KCNIP4: variants seen among roughly 807,000 people sequenced by gnomAD.
KCNIP4 encodes the protein Kv channel-interacting protein 4.
Under a neutral mutation model 34.0 loss-of-function variants are expected in KCNIP4, and 12 were observed. That is an observed-to-expected ratio of 0.35 (90% CI 0.23 to 0.57). The LOEUF is 0.57. KCNIP4 is among the 20% of genes least tolerant of loss of function. The pLI is 0.83. For synonymous variants in KCNIP4, 124 were observed against 102.2 expected (o/e 1.21, Z -1.29); for missense variants, 238 against 311.7 (o/e 0.76, Z 1.78).
At chr4:21,574,061 A>C (rs1350512588) in intron 1 of KCNIP4, among the ~76,000 whole-genome samples, 4 of 152,176 alleles carry the variant, frequency 2.6e-5, no homozygotes, top group African/African-American at 9.6e-5. Flanking sequence ...CTGCAATACT[A>C]ATGCACTTAG....
At chr4:21,399,233 G>A (rs780331498) in intron 1 of KCNIP4, among the ~76,000 whole-genome samples, 2 of 152,164 alleles carry the variant, frequency 1.3e-5, no homozygotes, top group Non-Finnish European at 2.9e-5. Flanking sequence ...CCTTGGCCAG[G>A]GTGTAGGTTC....
At chr4:20,730,197 C>G in intron 8 of KCNIP4, 68 bp from the exon 9 acceptor site, 1 of 1,514,898 alleles carries the variant, frequency 6.6e-7, no homozygotes, top group Non-Finnish European at 8.9e-7. Context: ...TATTTTGCCC[C>G]TGAGTATTGC....
chr4:21,892,330 A>G (rs1727144088), intron 1 of KCNIP4, among the ~76,000 whole-genome samples: 1 of 151,702 alleles, frequency 6.6e-6, no homozygotes, highest in East Asian at 1.9e-4. Context: ...TACAAAAAAA[A>G]AAGGTGAATC....
chr4:21,080,934 G>A (rs1433539929), intron 1 of KCNIP4, among the ~76,000 whole-genome samples: 5 of 151,832 alleles, frequency 3.3e-5, no homozygotes, highest in African/African-American at 1.2e-4. Context: ...GTAGCATGAA[G>A]TCTATAGAAA....
rs115047203 is a variant in KCNIP4 at position 21,474,237 on chromosome 4, A to T, written c.61+474334T>A. ...TCTACTTAAGAGCAGGCAAGACGAA[A>T]AAAATGAAGGCCACTGAGAATTGTG... On this transcript the variant is annotated intron_variant, in intron 1 of 8. Transcript: ENST00000382152. 4.3e-4 allele frequency among the ~76,000 whole-genome samples: 66 copies of T among 152,314 alleles called. 1 individual carries two copies. Among genetic ancestry groups the T allele is most frequent in the African/African-American group, 1.5e-3 (63 of 41,570 alleles).
intron 1 of KCNIP4, among the ~76,000 whole-genome samples, chr4:21,098,695 T>G (rs1279859302): frequency 6.6e-6 from 1 of 152,196 alleles, no homozygotes; most frequent in African/African-American, 2.4e-5. Flanking sequence ...ATTCAAGAGC[T>G]CTGATGAAAA....
chr4:20,844,567 G>T (rs930547471), intron 3 of KCNIP4, among the ~76,000 whole-genome samples: 2 of 152,158 alleles, frequency 1.3e-5, no homozygotes, highest in Non-Finnish European at 2.9e-5. Context: ...CTGAGGGCTT[G>T]TGACAAAAGA....
At chr4:21,828,140 T>C (rs1235097388) in intron 1 of KCNIP4, among the ~76,000 whole-genome samples, 17 of 151,256 alleles carry the variant, frequency 1.1e-4, no homozygotes, top group Middle Eastern at 6.8e-3. Flanking sequence ...AAAATATAAA[T>C]TAGGAATAAA....
At chr4:20,928,251 T>A (rs943394742) in intron 1 of KCNIP4, among the ~76,000 whole-genome samples, 16 of 151,524 alleles carry the variant, frequency 1.1e-4, no homozygotes, top group Non-Finnish European at 2.1e-4. Context: ...TTTCTTTTTT[T>A]TTTTGTATTT....
At chr4:21,614,001 A>G (rs929372558) in intron 1 of KCNIP4, among the ~76,000 whole-genome samples, 1 of 151,674 alleles carries the variant, frequency 6.6e-6, no homozygotes, top group African/African-American at 2.4e-5. Flanking sequence ...AAAAAAAAAA[A>G]TTAGCCAGGC....
intron 1 of KCNIP4, among the ~76,000 whole-genome samples, chr4:21,537,632 G>A (rs1382611261): frequency 6.6e-6 from 1 of 152,128 alleles, no homozygotes; most frequent in African/African-American, 2.4e-5. Context: ...TAGAGTCTTT[G>A]CAAATATAAT....
intron 1 of KCNIP4, among the ~76,000 whole-genome samples, chr4:21,596,147 A>G (rs1361827560): frequency 1.3e-5 from 2 of 152,122 alleles, no homozygotes; most frequent in African/African-American, 4.8e-5. Flanking sequence ...TCTGTATCTC[A>G]TAGAATTCCA....
intron 1 of KCNIP4, among the ~76,000 whole-genome samples, chr4:21,261,143 G>A (rs1761442171): frequency 6.6e-6 from 1 of 152,114 alleles, no homozygotes; most frequent in Admixed American, 6.6e-5. Flanking sequence ...TATTTCCATA[G>A]AAGGCTTGAT....
chr4:21,638,936 C>T (rs561997218), intron 1 of KCNIP4, among the ~76,000 whole-genome samples: 15 of 152,182 alleles, frequency 9.9e-5, no homozygotes, highest in Admixed American at 7.9e-4. Context: ...AACAACAAAA[C>T]CCTACATTCA....
chr4:21,552,221 G>T (rs1180965357), intron 1 of KCNIP4, among the ~76,000 whole-genome samples: 1 of 151,984 alleles, frequency 6.6e-6, no homozygotes, highest in Non-Finnish European at 1.5e-5. Flanking sequence ...GGAAAAAAAT[G>T]CATTAATCTT....
At chr4:21,859,533 C>A (rs181023893) in intron 1 of KCNIP4, among the ~76,000 whole-genome samples, 171 of 151,000 alleles carry the variant, frequency 1.1e-3, no homozygotes, top group Non-Finnish European at 2.1e-3. Flanking sequence ...GAGGCTGAGG[C>A]AGGAGAATGG....
At chr4:21,022,312 G>C (rs79313834) in intron 1 of KCNIP4, among the ~76,000 whole-genome samples, 1 of 152,174 alleles carries the variant, frequency 6.6e-6, no homozygotes, top group Non-Finnish European at 1.5e-5. Flanking sequence ...GCACACAGAT[G>C]ATGTACATTT....
chr4:21,861,891 C>T lies in KCNIP4; in HGVS notation c.61+86680G>A, dbSNP rs553426117. ...TAACTTATCTCACTCAGAGTAAAAC[C>T]CCATCTTAACCACAGCATGCTTGAT... On this transcript the variant is annotated intron_variant, in intron 1 of 8. Coordinates refer to ENST00000382152, the MANE Select transcript of KCNIP4 (RefSeq NM_025221.6). Among the ~76,000 whole-genome samples, 7 of 152,138 alleles carry T rather than the reference C, an allele frequency of 4.6e-5. No individual in the cohort carries two copies. In the South Asian group the frequency reaches 8.3e-4, roughly 18 times the overall value.
chr4:21,366,004 A>G (rs530658019), intron 1 of KCNIP4, among the ~76,000 whole-genome samples: 11 of 152,354 alleles, frequency 7.2e-5, no homozygotes, highest in African/African-American at 2.6e-4. Context: ...CTATGTGGCC[A>G]TGGTGATGTT....
Sources: allele counts gnomAD v4.1 joint callset (sites outside exome capture counted in the v4.1 genomes callset), GRCh38; gene constraint gnomAD v4.1.1; transcripts MANE v1.5; gene names NCBI Gene and HGNC (gene_info 2026-07-23, HGNC 2026-07-21).